Variants in TMA16 observed in about 807,000 individuals in gnomAD.
TMA16 encodes translation machinery associated 16 homolog, also known as translation machinery-associated protein 16.
Under a neutral mutation model 27.1 loss-of-function variants are expected in TMA16, and 26 were observed. That is an observed-to-expected ratio of 0.96 (90% CI 0.70 to 1.33). The LOEUF is 1.33. TMA16 is among the 40% of genes most tolerant of loss of function. The probability of loss-of-function intolerance (pLI) is 0.00; values close to 1 mark genes in which losing one functional copy is unlikely to be tolerated. For synonymous variants in TMA16, 71 were observed against 81.9 expected, an observed-to-expected ratio of 0.87 and a Z score of 0.72; for missense variants, 233 against 241.4, an observed-to-expected ratio of 0.97 and a Z score of 0.23.
chr4:163,501,842 AT>A (rs1737654563), intron 1 of TMA16, among the ~76,000 whole-genome samples: 1 of 152,120 alleles, frequency 6.6e-6, no homozygotes, highest in South Asian at 2.1e-4. Flanking sequence ...TGATTTTTAG[AT>A]CTCAGGTTAC....
Position 163,517,422 on chromosome 4 carries a change from T to G in TMA16, c.389-12T>G. ...ACATTGCCTCATGGAGATAAATTAC[T>G]TTCTTTTCCAGAGATTCCAGACATT... On this transcript the variant is annotated splice_polypyrimidine_tract_variant and intron_variant, in intron 5 of 6. Coordinates refer to ENST00000358572, the MANE Select transcript of TMA16 (RefSeq NM_018352.3). 1 of 1,610,222 alleles carries G rather than the reference T, an allele frequency of 6.2e-7. No homozygotes were observed.
chr4:163,512,503 C>T (rs1055428670), intron 2 of TMA16: 2 of 196,512 alleles, frequency 1.0e-5, no homozygotes, highest in Non-Finnish European at 2.0e-5. Flanking sequence ...CTCTTGTGCT[C>T]AAGTATTCTG....
intron 1 of TMA16, among the ~76,000 whole-genome samples, chr4:163,505,861 G>T (rs1427524069): frequency 2.6e-5 from 4 of 152,204 alleles, no homozygotes; most frequent in Non-Finnish European, 5.9e-5. Context: ...GATTATGAAA[G>T]ATTCTGAGGA....
At position 163,519,895 on chromosome 4, in the gene TMA16, A is replaced by T. The variant is rs1205942997; in HGVS notation, c.*381A>T. ...GAAAGATTCCTGTGGGTACTTTTTG[A>T]GCTGTGATAATAGCAAAATTGTTTT... On this transcript the variant is annotated 3_prime_UTR_variant, in exon 7 of 7. Coordinates refer to ENST00000358572, the MANE Select transcript of TMA16 (RefSeq NM_018352.3). 1.9e-6 allele frequency: 1 copy of T among 539,422 alleles called. No individual in the cohort carries two copies. Among genetic ancestry groups the T allele is most frequent in the African/African-American group, 2.0e-5 (1 of 49,858 alleles). The allele number at this position is 539,422 out of a possible 1,614,324, so 33.4% of individuals were successfully genotyped here. A position where few individuals can be genotyped will look rare whatever the true frequency, so the allele number is the denominator to read the frequency against.
intron 1 of TMA16, among the ~76,000 whole-genome samples, chr4:163,503,358 C>T (rs984578170): frequency 1.3e-5 from 2 of 152,002 alleles, no homozygotes; most frequent in African/African-American, 4.8e-5. Context: ...TTGTGGACCT[C>T]AAGTGTGTTT....
chr4:163,498,534 G>C (rs1043053973), intron 1 of TMA16, among the ~76,000 whole-genome samples: 1 of 152,032 alleles, frequency 6.6e-6, no homozygotes, highest in Admixed American at 6.5e-5. Flanking sequence ...TGATCTGCCC[G>C]CCTCGGCCTC....
chr4:163,512,128 A>G (rs1025144746), intron 2 of TMA16, among the ~76,000 whole-genome samples: 3 of 151,938 alleles, frequency 2.0e-5, no homozygotes, highest in Non-Finnish European at 4.4e-5. Flanking sequence ...CTTTTTAAAT[A>G]TGCTTTTATA....
At chr4:163,509,141 G>A (rs1737756182) in intron 2 of TMA16, among the ~76,000 whole-genome samples, 1 of 151,904 alleles carries the variant, frequency 6.6e-6, no homozygotes, top group African/African-American at 2.4e-5. Context: ...CATAGGCTTA[G>A]GCCACTATAG....
intron 1 of TMA16, among the ~76,000 whole-genome samples, chr4:163,503,438 G>A (rs2110794881): frequency 6.6e-6 from 1 of 152,208 alleles, no homozygotes; most frequent in Non-Finnish European, 1.5e-5. Flanking sequence ...GTCTCTAGTT[G>A]AGCCTAGACT....
chr4:163,517,511 G>A (rs748358740), intron 6 of TMA16, 35 bp downstream of exon 6: 2 of 1,592,214 alleles, frequency 1.3e-6, no homozygotes, highest in Admixed American at 3.4e-5. Context: ...CTGAAGCTGT[G>A]TGTAAAGTAC....
At chr4:163,499,483 G>C (rs1194106048) in intron 1 of TMA16, among the ~76,000 whole-genome samples, 1 of 152,054 alleles carries the variant, frequency 6.6e-6, no homozygotes, top group Non-Finnish European at 1.5e-5. Flanking sequence ...TTAGAATACA[G>C]AGTGATATAC....
At chr4:163,495,261 G>A (rs1262135653) in intron 1 of TMA16, among the ~76,000 whole-genome samples, 1 of 152,108 alleles carries the variant, frequency 6.6e-6, no homozygotes, top group Non-Finnish European at 1.5e-5. Flanking sequence ...CTGCCGTTAC[G>A]CCCCCATTCG....
Position 163,520,284 on chromosome 4 carries a change from GAT to G in TMA16, c.*775_*776del, listed in dbSNP as rs1737951934. 4.8e-6 allele frequency: 1 copy of G among 206,776 alleles called. No individual in the cohort carries two copies. Among genetic ancestry groups the G allele is most frequent in the African/African-American group, 2.3e-5 (1 of 43,222 alleles). 12.8% of individuals were successfully genotyped at this position (206,776 alleles called of 1,614,324 possible). A position where few individuals can be genotyped will look rare whatever the true frequency, so the allele number is the denominator to read the frequency against. ...TACTTTTTCTTCTAAGAGATAAATT[GAT>G]ATATCATTCAGTGTCATGAAAAACA... On this transcript the variant is annotated 3_prime_UTR_variant, in exon 7 of 7. Coordinates refer to ENST00000358572, the MANE Select transcript of TMA16 (RefSeq NM_018352.3).
intron 1 of TMA16, among the ~76,000 whole-genome samples, chr4:163,496,170 G>A (rs1737550387): frequency 6.6e-6 from 1 of 152,022 alleles, no homozygotes; most frequent in South Asian, 2.1e-4. Flanking sequence ...TGGTTTTGCT[G>A]CATCCTCTTT....
chr4:163,514,738 A>G (rs1387998055), intron 4 of TMA16, among the ~76,000 whole-genome samples: 1 of 152,190 alleles, frequency 6.6e-6, no homozygotes. Flanking sequence ...TGAGAGGTTC[A>G]TGACTCTGGT....
Position 163,514,176 on chromosome 4 carries a change from T to A in TMA16, c.239+18T>A. On this transcript the variant is annotated intron_variant, in intron 4 of 6. Transcript: ENST00000358572. ...ATTGAAAGGTAAACACTGGGCATATTATGAGCAAAGGGTCAGAAAAGGGAA... is the reference window on the plus strand; with the variant it reads ...ATTGAAAGGTAAACACTGGGCATATAATGAGCAAAGGGTCAGAAAAGGGAA... 6.3e-7 allele frequency: 1 copy of A among 1,582,546 alleles called. No individual in the cohort carries two copies. Among genetic ancestry groups the A allele is most frequent in the South Asian group, 1.1e-5 (1 of 87,292 alleles).
At chr4:163,508,296 ATTCT>A (rs1560914058) in intron 2 of TMA16, among the ~76,000 whole-genome samples, 2 of 152,202 alleles carry the variant, frequency 1.3e-5, no homozygotes, top group Non-Finnish European at 2.9e-5. Flanking sequence ...AGAATTTTCT[ATTCT>A]GAAGGTTTGG....
At chr4:163,507,318 C>G (rs1374390394) in intron 2 of TMA16, among the ~76,000 whole-genome samples, 173 bp downstream of exon 2, 1 of 152,004 alleles carries the variant, frequency 6.6e-6, no homozygotes, top group East Asian at 1.9e-4. Context: ...TAGAGCTTAC[C>G]TAAAACAGAT....
Position 163,519,444 on chromosome 4 carries a change from A to G in TMA16, c.542A>G (p.Gln181Arg). 1.9e-6 allele frequency: 3 copies of G among 1,606,724 alleles called. No individual in the cohort carries two copies. The highest frequency in any genetic ancestry group is 2.5e-6 in the Non-Finnish European group (3 of 1,177,498). The change falls in exon 7 of 7, where the codon CAA (glutamine) becomes CGA (arginine). Residue 181 changes from glutamine (Q) to arginine (R), a missense_variant. Coordinates refer to ENST00000358572, the MANE Select transcript of TMA16 (RefSeq NM_018352.3). ...CKRKTIITVDQDLGELELNDE... is the reference protein window; with the variant it reads ...CKRKTIITVDRDLGELELNDE... ...AGGAAAACTATTATAACTGTAGACC[A>G]AGATTTGGGGGAATTGGAACTAAAC...
Sources: gnomAD v4.1 joint callset for allele counts (sites outside exome capture counted in the v4.1 genomes callset) on GRCh38, gnomAD v4.1.1 for gene constraint, MANE v1.5 for transcripts, NCBI Gene and HGNC (gene_info 2026-07-23, HGNC 2026-07-21) for gene names.